The following CDH12 variants were observed in gnomAD, a reference collection of about 807,000 sequenced individuals.
CDH12 encodes the protein cadherin-12.
In CDH12, 41 loss-of-function variants were observed where a neutral mutation model predicts 74.1. That is an observed-to-expected ratio of 0.55 (90% CI 0.43 to 0.72). CDH12 has a LOEUF of 0.72. Ranked by LOEUF, CDH12 falls within the 30% of genes least tolerant of loss-of-function variation. CDH12 has a pLI of 0.00. For missense variants in CDH12, 945 were observed against 977.2 expected (o/e 0.97, Z 0.44); for synonymous variants, 399 against 355.0 (o/e 1.12, Z -1.39).
At chr5:22,484,549 A>T (rs1296071288) in intron 2 of CDH12, among the ~76,000 whole-genome samples, 3 of 152,220 alleles carry the variant, frequency 2.0e-5, no homozygotes, top group Non-Finnish European at 4.4e-5. Flanking sequence ...GATCACCATG[A>T]ACTTGGACTA....
chr5:22,627,699 T>C (rs1738371076), intron 1 of CDH12, among the ~76,000 whole-genome samples: 1 of 152,190 alleles, frequency 6.6e-6, no homozygotes, highest in East Asian at 1.9e-4. Context: ...AATAACCAGA[T>C]AACTACTTAC....
At chr5:22,716,715 C>A (rs1364153737) in intron 1 of CDH12, among the ~76,000 whole-genome samples, 1 of 151,614 alleles carries the variant, frequency 6.6e-6, no homozygotes, top group East Asian at 1.9e-4. Flanking sequence ...GCCCTGAAGA[C>A]CTTCCAGTGG....
At chr5:22,300,857 C>A (rs1032830660) in intron 3 of CDH12, among the ~76,000 whole-genome samples, 1 of 152,122 alleles carries the variant, frequency 6.6e-6, no homozygotes, top group Non-Finnish European at 1.5e-5. Flanking sequence ...TATCAGATTT[C>A]TCTCAAAGGT....
intron 3 of CDH12, among the ~76,000 whole-genome samples, chr5:22,229,112 C>T (rs1196947679): frequency 6.6e-6 from 1 of 151,606 alleles, no homozygotes; most frequent in Admixed American, 6.6e-5. Context: ...AACATGCACT[C>T]CCAGTAAATT....
At chr5:22,766,124 A>G (rs1200130764) in intron 1 of CDH12, among the ~76,000 whole-genome samples, 1 of 152,038 alleles carries the variant, frequency 6.6e-6, no homozygotes, top group Non-Finnish European at 1.5e-5. Flanking sequence ...ATTTTCAACT[A>G]TTAGAAAGTA....
At chr5:21,890,680 C>T (rs912408293) in intron 6 of CDH12, among the ~76,000 whole-genome samples, 1 of 151,994 alleles carries the variant, frequency 6.6e-6, no homozygotes, top group African/African-American at 2.4e-5. Flanking sequence ...CAGAGTGATT[C>T]TACATACATA....
chr5:22,432,591 A>G (rs963602926), intron 2 of CDH12, among the ~76,000 whole-genome samples: 35 of 151,962 alleles, frequency 2.3e-4, no homozygotes, highest in African/African-American at 8.0e-4. Flanking sequence ...AAAATCTTCT[A>G]TTCAAAGAAG....
intron 1 of CDH12, among the ~76,000 whole-genome samples, chr5:22,545,339 C>T (rs1255965750): frequency 6.6e-6 from 1 of 152,182 alleles, no homozygotes; most frequent in African/African-American, 2.4e-5. Flanking sequence ...GTAAAATTCT[C>T]TTTAGCTCCA....
At chr5:22,788,311 CTG>C (rs1455456622) in intron 1 of CDH12, among the ~76,000 whole-genome samples, 9 of 151,900 alleles carry the variant, frequency 5.9e-5, no homozygotes, top group African/African-American at 2.2e-4. Flanking sequence ...TTATTTTATG[CTG>C]TAATTATTTT....
intron 5 of CDH12, among the ~76,000 whole-genome samples, chr5:22,040,708 A>C (rs1739517771): frequency 6.6e-6 from 1 of 152,180 alleles, no homozygotes; most frequent in Non-Finnish European, 1.5e-5. Context: ...TAGCTACCAA[A>C]CTTGTCCTTC....
At chr5:22,703,664 C>G (rs775770986) in intron 1 of CDH12, among the ~76,000 whole-genome samples, 1 of 152,100 alleles carries the variant, frequency 6.6e-6, no homozygotes, top group Non-Finnish European at 1.5e-5. Flanking sequence ...ACCCTATCTT[C>G]CCTTTTTATT....
chr5:21,854,568 C>A, intron 7 of CDH12, 103 bp downstream of exon 7: 1 of 897,552 alleles, frequency 1.1e-6, no homozygotes, highest in Non-Finnish European at 1.7e-6. Context: ...CGCACTGAAG[C>A]TTTATGGCTA....
chr5:22,068,876 A>G (rs1741744091), intron 5 of CDH12, among the ~76,000 whole-genome samples: 1 of 152,182 alleles, frequency 6.6e-6, no homozygotes, highest in Non-Finnish European at 1.5e-5. Flanking sequence ...ACTTCCACTC[A>G]CCAAAGCTGA....
At chr5:22,296,660 A>AAT (rs1403517184) in intron 3 of CDH12, among the ~76,000 whole-genome samples, 2 of 152,188 alleles carry the variant, frequency 1.3e-5, no homozygotes, top group Non-Finnish European at 2.9e-5. Context: ...TGTATTTTCA[A>AAT]ATATACATGC....
At chr5:22,237,655 T>A (rs1752605075) in intron 3 of CDH12, among the ~76,000 whole-genome samples, 2 of 151,902 alleles carry the variant, frequency 1.3e-5, no homozygotes, top group African/African-American at 4.9e-5. Flanking sequence ...ATGGTACTTT[T>A]GTTATAGCAT....
chr5:22,529,135 G>GCATATATATACA (rs199620871), intron 1 of CDH12, among the ~76,000 whole-genome samples: 1 of 81,204 alleles, frequency 1.2e-5, no homozygotes, highest in African/African-American at 4.6e-5. Flanking sequence ...ATGAATATAT[G>GCATATATATACA]CATATATATA....
At position 21,902,455 on chromosome 5, in the gene CDH12, C is replaced by T. The variant is rs116331811; in HGVS notation, c.527-47665G>A. On this transcript the variant is annotated intron_variant, in intron 6 of 14. Coordinates refer to ENST00000382254, the MANE Select transcript of CDH12 (RefSeq NM_004061.5). ...TTTTTGAGAAATGCAGAATCTCAGG[C>T]CCCATAACAGACTTAATGCAGAATC... Among the ~76,000 whole-genome samples the T allele has an allele frequency of 7.6e-3, 1,158 of 152,070 alleles. 12 individuals carry two copies. Among genetic ancestry groups the T allele is most frequent in the African/African-American group, 0.027 (1,111 of 41,486 alleles).
At chr5:22,679,458 A>C (rs1741375724) in intron 1 of CDH12, among the ~76,000 whole-genome samples, 1 of 152,084 alleles carries the variant, frequency 6.6e-6, no homozygotes, top group African/African-American at 2.4e-5. Context: ...CTTTTCCAAA[A>C]ATTTTAATTA....
intron 6 of CDH12, among the ~76,000 whole-genome samples, chr5:21,965,649 T>G (rs1756548700): frequency 1.3e-5 from 2 of 151,954 alleles, no homozygotes; most frequent in Non-Finnish European, 2.9e-5. Context: ...ATGAAAATAG[T>G]GCCAACCTGT....
Sources: gnomAD v4.1 joint callset for allele counts (sites outside exome capture counted in the v4.1 genomes callset) on GRCh38, gnomAD v4.1.1 for gene constraint, MANE v1.5 for transcripts, NCBI Gene and HGNC (gene_info 2026-07-23, HGNC 2026-07-21) for gene names.